Variants in SRRD observed in about 807,000 individuals in gnomAD.
The protein encoded by SRRD is SRR1-like protein.
Under a neutral mutation model 30.7 loss-of-function variants are expected in SRRD, and 28 were observed. The ratio of observed to expected loss-of-function variants is 0.91; its 90% CI spans 0.68 to 1.25. SRRD has a LOEUF of 1.25. Among genes scored for constraint, SRRD ranks in the 50% most tolerant of loss-of-function variants. SRRD has a pLI of 0.00. For synonymous variants in SRRD, 161 were observed against 159.6 expected (o/e 1.01, Z -0.07); for missense variants, 415 against 417.3 (o/e 0.99, Z 0.05).
chr22:26,492,576 A>G lies in SRRD; in HGVS notation c.*904A>G. 1 of 578,590 alleles carries G rather than the reference A, an allele frequency of 1.7e-6. No homozygotes were observed. The highest frequency in any genetic ancestry group is 3.1e-6 in the Non-Finnish European group (1 of 323,518). The allele number at this position is 578,590 out of a possible 1,614,324, so 35.8% of individuals were successfully genotyped here. The stretch of plus-strand genomic sequence containing the variant: ...TTCAGAAGGTTCCTGGCTAGTATCT[A>G]GTAACCAGATTATTAATATTCAACA... On this transcript the variant is annotated 3_prime_UTR_variant, in exon 7 of 7. Coordinates refer to ENST00000215917, the MANE Select transcript of SRRD (RefSeq NM_001013694.3).
In SRRD at chr22:26,494,339, G is replaced by C; in HGVS notation, c.*2667G>C. 1 of 1,613,888 alleles carries C rather than the reference G, an allele frequency of 6.2e-7. No individual in the cohort carries two copies. ...AGAAAAATTACTTGCATCCATCGTG[G>C]CAACAAATGAAGGCAAGATTTCTGA... On this transcript the variant is annotated 3_prime_UTR_variant, in exon 7 of 7. Coordinates refer to ENST00000215917, the MANE Select transcript of SRRD (RefSeq NM_001013694.3).
chr22:26,483,972 C>T lies in SRRD; in HGVS notation c.82C>T (p.Arg28Trp). The T allele has an allele frequency of 7.3e-7, 1 of 1,368,464 alleles. No homozygotes were observed. Among genetic ancestry groups the T allele is most frequent in the South Asian group, 1.7e-5 (1 of 58,934 alleles). 84.8% of individuals were successfully genotyped at this position (1,368,464 alleles called of 1,614,324 possible). A position where few individuals can be genotyped will look rare whatever the true frequency, so the allele number is the denominator to read the frequency against. The part of the protein sequence containing the change: ...RKRRSAARRP[R>W]RREAAPRGRE... ...GAGGCGCTCCGCGGCTCGACGGCCG[C>T]GGCGGAGGGAGGCGGCGCCCCGGGG... is the stretch of plus-strand genomic sequence containing the variant. The change falls in exon 1 of 7, where the codon CGG becomes TGG. Residue 28 changes from arginine to tryptophan, a missense_variant. By Grantham distance (101) the Arg-to-Trp change is moderately radical. Coordinates refer to ENST00000215917, the MANE Select transcript of SRRD (RefSeq NM_001013694.3).
chr22:26,490,139 A>C lies in SRRD; in HGVS notation c.705A>C (p.Ser235=). The C allele has an allele frequency of 6.2e-7, 1 of 1,614,216 alleles. No homozygotes were observed. The highest frequency in any genetic ancestry group is 8.5e-7 in the Non-Finnish European group (1 of 1,180,032). Residue 235 remains serine, a synonymous_variant, in exon 5 of 7, where the codon TCA becomes TCC. Transcript: ENST00000215917. ...LYNNLLWSNW[S]VDALSKMVII... ...ACAATCTTTTATGGAGTAACTGGTC[A>C]GTAGATGCCCTTTCTAAGATGGTCA... is the stretch of plus-strand genomic sequence containing the variant.
At chr22:26,486,805 A>G (rs1461508708) in intron 2 of SRRD, among the ~76,000 whole-genome samples, 3 of 152,010 alleles carry the variant, frequency 2.0e-5, no homozygotes, top group Non-Finnish European at 4.4e-5. Context: ...GACCAACTTG[A>G]TATCTATTGT....
rs1921599619 is a variant in SRRD at position 26,494,078 on chromosome 22, T to C, written c.*2406T>C. 5 of 1,588,408 alleles carry C rather than the reference T, an allele frequency of 3.1e-6. No individual in the cohort carries two copies. Among genetic ancestry groups the C allele is most frequent in the South Asian group, 1.1e-5 (1 of 88,188 alleles). On this transcript the variant is annotated 3_prime_UTR_variant, in exon 7 of 7. Coordinates refer to ENST00000215917, the MANE Select transcript of SRRD (RefSeq NM_001013694.3). ...ACCAGAAAACTCTGATTCTGTGTCA[T>C]TTACATGTGTAAAATCTGAAACTTG... is the stretch of plus-strand genomic sequence containing the variant.
At position 26,492,573 on chromosome 22, in the gene SRRD, T is replaced by C; in HGVS notation, c.*901T>C. On this transcript the variant is annotated 3_prime_UTR_variant, in exon 7 of 7. Transcript: ENST00000215917. ...CTGTTCAGAAGGTTCCTGGCTAGTA[T>C]CTAGTAACCAGATTATTAATATTCA... 1 of 581,168 alleles carries C rather than the reference T, an allele frequency of 1.7e-6. No homozygotes were observed. 36.0% of individuals were successfully genotyped at this position (581,168 alleles called of 1,614,324 possible). A position where few individuals can be genotyped will look rare whatever the true frequency, so the allele number is the denominator to read the frequency against.
At chr22:26,485,869 T>G (rs1030171336) in intron 1 of SRRD, among the ~76,000 whole-genome samples, 154 bp from the exon 2 acceptor site, 5 of 152,194 alleles carry the variant, frequency 3.3e-5, no homozygotes, top group African/African-American at 9.6e-5. Context: ...CTGGACATAT[T>G]CAACATATAT....
Position 26,491,793 on chromosome 22 carries a change from T to A in SRRD, c.*121T>A, listed in dbSNP as rs1249377399. ...CCAGGAAAGAACATCAACTTGGCTG[T>A]CCTGTTTTGAGGACGATACCCCACA... On this transcript the variant is annotated 3_prime_UTR_variant, in exon 7 of 7. Transcript: ENST00000215917. The A allele has an allele frequency of 9.6e-7, 1 of 1,044,798 alleles. No individual in the cohort carries two copies. The highest frequency in any genetic ancestry group is 1.4e-6 in the Non-Finnish European group (1 of 732,142). 64.7% of individuals were successfully genotyped at this position (1,044,798 alleles called of 1,614,324 possible).
Position 26,492,379 on chromosome 22 carries a change from G to C in SRRD, c.*707G>C, listed in dbSNP as rs148164977. On this transcript the variant is annotated 3_prime_UTR_variant, in exon 7 of 7. Transcript: ENST00000215917. The stretch of plus-strand genomic sequence containing the variant: ...GCTGCATGTAGGCACCTAAGATACA[G>C]GAGGACAGGGCGGTGAGGAGAGGTG... 2 of 1,613,164 alleles carry C rather than the reference G, an allele frequency of 1.2e-6. No homozygotes were observed. Among genetic ancestry groups the C allele is most frequent in the East Asian group, 2.2e-5 (1 of 44,866 alleles).
rs774297806 is a variant in SRRD, at chr22:26,488,252, G to C, written c.474G>C (p.Gln158His). 5.0e-6 allele frequency: 8 copies of C among 1,613,942 alleles called. No homozygotes were observed. In the Admixed American group the frequency reaches 8.3e-5, roughly 17 times the overall value. ...NFATCIVARN[Q>H]LTFLLLLLEK... ...CCACCTGCATCGTAGCTAGAAACCA[G>C]CTAACGTTTTTGCTGCTTTTGTTGG... is the stretch of plus-strand genomic sequence containing the variant. The change falls in exon 3 of 7, where the codon CAG (glutamine) becomes CAC (histidine). Residue 158 changes from glutamine (Q) to histidine (H), a missense_variant. Gln to His is a conservative substitution (Grantham distance 24). Transcript: ENST00000215917.
chr22:26,487,980 C>T (rs766681931), intron 2 of SRRD, 49 bp from the exon 3 acceptor site: 10 of 1,537,364 alleles, frequency 6.5e-6, no homozygotes, highest in Non-Finnish European at 8.7e-6. Flanking sequence ...ATTTGGTTCA[C>T]AGGGTCAGAA....
In SRRD at chr22:26,494,312, A is replaced by G. The variant is rs1202709066; in HGVS notation, c.*2640A>G. 1 of 1,614,240 alleles carries G rather than the reference A, an allele frequency of 6.2e-7. No individual in the cohort carries two copies. Among genetic ancestry groups the G allele is most frequent in the Non-Finnish European group, 8.5e-7 (1 of 1,180,046 alleles). Reference sequence around the variant, plus strand: ...GAGCCAAGAGCACAGCACCTGCCAAAAAGAAAAATTACTTGCATCCATCGT... The same window carrying G: ...GAGCCAAGAGCACAGCACCTGCCAAGAAGAAAAATTACTTGCATCCATCGT... On this transcript the variant is annotated 3_prime_UTR_variant, in exon 7 of 7. Coordinates refer to ENST00000215917, the MANE Select transcript of SRRD (RefSeq NM_001013694.3).
chr22:26,490,998 G>GT (rs762867847), intron 5 of SRRD, 27 bp from the exon 6 acceptor site: 18 of 1,545,320 alleles, frequency 1.2e-5, no homozygotes, highest in African/African-American at 1.0e-4. Context: ...TTTTTTTTTT[G>GT]TTTTTTTGGT....
Position 26,491,888 on chromosome 22 carries a change from G to T in SRRD, c.*216G>T. The T allele has an allele frequency of 9.5e-7, 1 of 1,051,370 alleles. No individual in the cohort carries two copies. Among genetic ancestry groups the T allele is most frequent in the Non-Finnish European group, 1.4e-6 (1 of 732,910 alleles). 65.1% of individuals were successfully genotyped at this position (1,051,370 alleles called of 1,614,324 possible). On this transcript the variant is annotated 3_prime_UTR_variant, in exon 7 of 7. Transcript: ENST00000215917. ...ATTTTACATCCTTCCCTCATGACCT[G>T]GCCTGATGTGGAGTAGCTCCTGAGT...
chr22:26,485,770 T>C (rs1458719151), intron 1 of SRRD, among the ~76,000 whole-genome samples: 1 of 152,182 alleles, frequency 6.6e-6, no homozygotes, highest in East Asian at 1.9e-4. Context: ...AGACTGAGAA[T>C]AGACCCAGAT....
intron 5 of SRRD, chr22:26,490,755 G>C: frequency 2.6e-6 from 1 of 389,268 alleles, no homozygotes; most frequent in Non-Finnish European, 4.7e-6. Flanking sequence ...GTAGAGATGG[G>C]GTTTTACCAT....
In SRRD at chr22:26,490,990, T is replaced by C. The variant is rs759574918; in HGVS notation, c.765-35T>C. On this transcript the variant is annotated intron_variant, in intron 5 of 6. Coordinates refer to ENST00000215917, the MANE Select transcript of SRRD (RefSeq NM_001013694.3). ...CCTCATACCTCCTAATCATGGTGTT[T>C]TTTTTTTGTTTTTTTGGTTTTTTTT... The C allele has an allele frequency of 1.9e-6, 3 of 1,589,212 alleles. No homozygotes were observed. In the South Asian group the frequency reaches 3.4e-5, roughly 18 times the overall value.
Position 26,488,084 on chromosome 22 carries a change from G to GA in SRRD, c.307dup (p.Thr103AsnfsTer12), listed in dbSNP as rs1183014401. On this transcript the variant is annotated frameshift_variant, in exon 3 of 7. Transcript: ENST00000215917. LOFTEE classifies it high-confidence loss of function. ...TGGAACAACTGAAGGCCCCTGTGGGGACTCTTTCAGACATCTTTGGAAACC... is the reference window on the plus strand; with the variant it reads ...TGGAACAACTGAAGGCCCCTGTGGGGAACTCTTTCAGACATCTTTGGAAACC... The GA allele has an allele frequency of 3.1e-6, 5 of 1,614,010 alleles. No individual in the cohort carries two copies. The highest frequency in any genetic ancestry group is 4.2e-6 in the Non-Finnish European group (5 of 1,180,004).
intron 2 of SRRD, among the ~76,000 whole-genome samples, chr22:26,487,470 C>T (rs1250596167): frequency 2.0e-5 from 3 of 152,110 alleles, no homozygotes; most frequent in African/African-American, 7.2e-5. Flanking sequence ...AGTGATTCTT[C>T]TGCTTCAGCC....
Sources: gnomAD v4.1 joint callset for allele counts (sites outside exome capture counted in the v4.1 genomes callset) on GRCh38, gnomAD v4.1.1 for gene constraint, MANE v1.5 for transcripts, NCBI Gene and HGNC (gene_info 2026-07-23, HGNC 2026-07-21) for gene names.